The following GALNT1 variants were observed in gnomAD, a reference collection of about 807,000 sequenced individuals.
GALNT1 encodes GalNAc transferase 1.
In GALNT1, 17 loss-of-function variants were observed where a neutral mutation model predicts 65.7. The ratio of observed to expected loss-of-function variants is 0.26; its 90% CI spans 0.18 to 0.39. GALNT1 has a LOEUF of 0.39. Among genes scored for constraint, GALNT1 ranks in the 10% least tolerant of loss-of-function variants. GALNT1 has a pLI of 1.00. For synonymous variants in GALNT1, 210 were observed against 219.7 expected (o/e 0.96, Z 0.39); for missense variants, 460 against 672.8 (o/e 0.68, Z 3.50).
chr18:35,631,751 A>G (rs1305994927), intron 1 of GALNT1, among the ~76,000 whole-genome samples: 2 of 152,176 alleles, frequency 1.3e-5, no homozygotes, highest in Non-Finnish European at 2.9e-5. Flanking sequence ...CAATTAGGAA[A>G]AGAGGAAGTC....
chr18:35,677,179 CTCT>C (rs2047723268), intron 3 of GALNT1, among the ~76,000 whole-genome samples: 2 of 152,292 alleles, frequency 1.3e-5, no homozygotes, highest in South Asian at 4.1e-4. Flanking sequence ...CTAAATATTT[CTCT>C]TCTTTTGTGG....
intron 3 of GALNT1, among the ~76,000 whole-genome samples, chr18:35,674,101 A>C (rs567195638): frequency 1.9e-4 from 29 of 152,324 alleles, no homozygotes; most frequent in South Asian, 1.7e-3. Flanking sequence ...GAAAAATTGT[A>C]CACCTGTATA....
intron 5 of GALNT1, among the ~76,000 whole-genome samples, chr18:35,686,087 G>C (rs555053952): frequency 5.3e-5 from 8 of 152,160 alleles, no homozygotes; most frequent in Admixed American, 5.2e-4. Context: ...AGAATGAAAA[G>C]TTTATTTCAC....
At chr18:35,657,107 C>A (rs1008968956) in intron 2 of GALNT1, among the ~76,000 whole-genome samples, 5 of 151,384 alleles carry the variant, frequency 3.3e-5, no homozygotes, top group African/African-American at 1.2e-4. Flanking sequence ...TTTATTTATT[C>A]ATGAATGAGA....
intron 1 of GALNT1, among the ~76,000 whole-genome samples, chr18:35,615,713 G>A (rs970390978): frequency 2.6e-5 from 4 of 152,192 alleles, no homozygotes; most frequent in East Asian, 3.8e-4. Flanking sequence ...GCATACATAC[G>A]TAAGTGTGAA....
intron 1 of GALNT1, among the ~76,000 whole-genome samples, chr18:35,639,957 C>T (rs7236733): frequency 0.015 from 2,218 of 152,034 alleles, 52 homozygotes; most frequent in African/African-American, 0.049. Context: ...CCACCACAGC[C>T]GGCTAATTTT....
At chr18:35,688,650 G>T (rs1281085968) in intron 6 of GALNT1, among the ~76,000 whole-genome samples, 7 of 151,760 alleles carry the variant, frequency 4.6e-5, no homozygotes, top group Non-Finnish European at 8.8e-5. Flanking sequence ...ATTTCTAGTG[G>T]GTATTAGGAA....
At position 35,702,936 on chromosome 18, in the gene GALNT1, G is replaced by T. The variant is rs1166531397; in HGVS notation, c.1339G>T (p.Ala447Ser). The change falls in exon 10 of 12, where the codon GCT (alanine) becomes TCT (serine). Residue 447 changes from alanine to serine, a missense_variant. Transcript: ENST00000269195. ...VETNQCLDNM[A>S]RKENEKVGIF... ...AACGAATCAGTGTCTAGATAACATG[G>T]CTAGAAAAGAGAATGAAAAAGTTGG... 2 of 1,611,310 alleles carry T rather than the reference G, an allele frequency of 1.2e-6. No individual in the cohort carries two copies. Among genetic ancestry groups the T allele is most frequent in the Non-Finnish European group, 1.7e-6 (2 of 1,178,938 alleles).
At chr18:35,640,089 T>C (rs1450438573) in intron 1 of GALNT1, among the ~76,000 whole-genome samples, 1 of 152,238 alleles carries the variant, frequency 6.6e-6, no homozygotes, top group Non-Finnish European at 1.5e-5. Flanking sequence ...TGAGCCACCA[T>C]GTCCAGCCTT....
intron 1 of GALNT1, among the ~76,000 whole-genome samples, chr18:35,583,285 CT>C (rs1162386376): frequency 1.3e-5 from 2 of 152,198 alleles, no homozygotes; most frequent in Admixed American, 6.5e-5. Context: ...TCAGTATCTG[CT>C]TTACCAGGAT....
At chr18:35,631,305 C>G (rs1471330442) in intron 1 of GALNT1, among the ~76,000 whole-genome samples, 1 of 152,122 alleles carries the variant, frequency 6.6e-6, no homozygotes, top group East Asian at 1.9e-4. Context: ...CAAAAATCCT[C>G]AATAAAATAC....
intron 1 of GALNT1, among the ~76,000 whole-genome samples, chr18:35,648,824 C>A (rs1417964077): frequency 6.6e-6 from 1 of 152,140 alleles, no homozygotes; most frequent in Non-Finnish European, 1.5e-5. Flanking sequence ...AGTTGTATGA[C>A]CCCCAGCCCA....
At chr18:35,674,842 G>A (rs2047685187) in intron 3 of GALNT1, among the ~76,000 whole-genome samples, 1 of 151,946 alleles carries the variant, frequency 6.6e-6, no homozygotes, top group Non-Finnish European at 1.5e-5. Context: ...AATTAGTCGG[G>A]CGTGGTGGCA....
At chr18:35,615,559 G>A (rs2046773137) in intron 1 of GALNT1, among the ~76,000 whole-genome samples, 2 of 152,172 alleles carry the variant, frequency 1.3e-5, no homozygotes, top group African/African-American at 4.8e-5. Context: ...TAATTTGGCT[G>A]TACTAAAATT....
At chr18:35,623,023 C>T (rs2046874519) in intron 1 of GALNT1, among the ~76,000 whole-genome samples, 1 of 152,110 alleles carries the variant, frequency 6.6e-6, no homozygotes, top group African/African-American at 2.4e-5. Flanking sequence ...TCTATCACAT[C>T]TTCATATTAA....
intron 1 of GALNT1, among the ~76,000 whole-genome samples, chr18:35,619,367 A>G (rs2046823508): frequency 6.6e-6 from 1 of 152,186 alleles, no homozygotes; most frequent in Non-Finnish European, 1.5e-5. Context: ...ACAGTGTATT[A>G]AGGAAAGCAA....
rs2048095335 is a variant in GALNT1, at chr18:35,698,316, A to G, written c.1300-4581A>G. The stretch of plus-strand genomic sequence containing the variant: ...AACCCCATCTCTACTAAAAATATGA[A>G]AAATTAGCTGAGTGTGGTGGCCCGC... On this transcript the variant is annotated intron_variant, in intron 9 of 11. Coordinates refer to ENST00000269195, the MANE Select transcript of GALNT1 (RefSeq NM_020474.4). 4.6e-5 allele frequency among the ~76,000 whole-genome samples: 7 copies of G among 151,906 alleles called. No homozygotes were observed. The South Asian group carries it at 1.5e-3, about 32-fold the overall frequency.
chr18:35,625,786 G>A (rs561703605), intron 1 of GALNT1, among the ~76,000 whole-genome samples: 1 of 152,136 alleles, frequency 6.6e-6, no homozygotes, highest in East Asian at 1.9e-4. Flanking sequence ...TGAGTTCATA[G>A]TGGGCAGAAA....
At chr18:35,651,782 T>A (rs1339677593) in intron 1 of GALNT1, among the ~76,000 whole-genome samples, 3 of 152,246 alleles carry the variant, frequency 2.0e-5, no homozygotes, top group East Asian at 3.8e-4. Flanking sequence ...TACATTGTAC[T>A]AGCTTTCATT....
Sources: allele counts gnomAD v4.1 joint callset (sites outside exome capture counted in the v4.1 genomes callset), GRCh38; gene constraint gnomAD v4.1.1; transcripts MANE v1.5; gene names NCBI Gene and HGNC (gene_info 2026-07-23, HGNC 2026-07-21).